The following ECPAS variants were observed in gnomAD, a reference collection of about 807,000 sequenced individuals.
ECPAS encodes the protein Ecm29 proteasome adaptor and scaffold.
In ECPAS, 70 loss-of-function variants were observed where a neutral mutation model predicts 255.1. The observed-to-expected ratio is 0.27, with a 90% CI of 0.23 to 0.33. The LOEUF is 0.33. Among genes scored for constraint, ECPAS ranks in the 10% least tolerant of loss-of-function variants. The pLI is 1.00. For synonymous variants in ECPAS, 784 were observed against 775.0 expected, an observed-to-expected ratio of 1.01 and a Z score of -0.19; for missense variants, 1,817 against 2,206.4, an observed-to-expected ratio of 0.82 and a Z score of 3.54.
intron 2 of ECPAS, among the ~76,000 whole-genome samples, chr9:111,455,647 G>A (rs1163329856): frequency 6.6e-6 from 1 of 152,194 alleles, no homozygotes; most frequent in Admixed American, 6.5e-5. Context: ...CTGAACATCA[G>A]CTTCCCTTCA....
At chr9:111,405,667 C>CA (rs1564522226) in intron 24 of ECPAS, among the ~76,000 whole-genome samples, 1 of 149,660 alleles carries the variant, frequency 6.7e-6, no homozygotes, top group Non-Finnish European at 1.5e-5. Flanking sequence ...TTAAAATACA[C>CA]AATAAGTAAG....
At chr9:111,448,999 A>C (rs1296713195) in intron 3 of ECPAS, among the ~76,000 whole-genome samples, 2 of 152,164 alleles carry the variant, frequency 1.3e-5, no homozygotes, top group Non-Finnish European at 2.9e-5. Context: ...TTTGAAGTTC[A>C]AAAGCCCTGG....
In ECPAS at chr9:111,423,255, A is replaced by G. The variant is rs999265075; in HGVS notation, c.1216-7T>C. 7.8e-6 allele frequency: 12 copies of G among 1,545,608 alleles called. No homozygotes were observed. The highest frequency in any genetic ancestry group is 1.1e-5 in the Non-Finnish European group (12 of 1,141,306). ...TTGACAGTAGTTTAGGGTCCTTGAAATTAAAAAAAGAAAAGAAAGAAAAGA... is the reference window on the plus strand; with the variant it reads ...TTGACAGTAGTTTAGGGTCCTTGAAGTTAAAAAAAGAAAAGAAAGAAAAGA... On this transcript the variant is annotated splice_polypyrimidine_tract_variant and splice_region_variant and intron_variant, in intron 12 of 49. Coordinates refer to ENST00000684092, the MANE Select transcript of ECPAS (RefSeq NM_001364929.1).
intron 1 of ECPAS, among the ~76,000 whole-genome samples, chr9:111,482,839 C>T (rs2098308328): frequency 7.0e-6 from 1 of 142,538 alleles, no homozygotes; most frequent in Non-Finnish European, 1.5e-5. Context: ...GCGGGGCGGC[C>T]TGGGATTCAG....
At chr9:111,415,228 CGT>C (rs541242640) in intron 18 of ECPAS, among the ~76,000 whole-genome samples, 71 of 126,778 alleles carry the variant, frequency 5.6e-4, no homozygotes, top group African/African-American at 9.4e-4. Flanking sequence ...TTTTAAAAGC[CGT>C]GTGTGTGTGT....
chr9:111,423,998 C>T (rs1658055921), intron 12 of ECPAS, among the ~76,000 whole-genome samples: 1 of 152,212 alleles, frequency 6.6e-6, no homozygotes, highest in African/African-American at 2.4e-5. Context: ...GACTCACACC[C>T]TGTGGTTTGT....
rs2131755407 is a variant in ECPAS, at chr9:111,416,337, T to C, written c.1699A>G (p.Lys567Glu). 1 of 1,613,654 alleles carries C rather than the reference T, an allele frequency of 6.2e-7. No individual in the cohort carries two copies. Among genetic ancestry groups the C allele is most frequent in the Non-Finnish European group, 8.5e-7 (1 of 1,179,612 alleles). The change falls in exon 18 of 50, where the codon AAA becomes GAA. Residue 567 changes from lysine (K) to glutamate (E), a missense_variant. Physicochemically the swap from Lys to Glu is moderately conservative, Grantham distance 56. Around this residue, in one of 4 missense-constraint regions of ECPAS, gnomAD observed 573 missense variants for 716.2 expected, o/e 0.80. Coordinates refer to ENST00000684092, the MANE Select transcript of ECPAS (RefSeq NM_001364929.1). The part of the protein sequence containing the change: ...YIQEKASHRM[K>E]TPVKYMTGTT... Reference sequence around the variant, plus strand: ...CCGGTCATGTACTTGACTGGAGTTTTCATTCGATGAGAAGCCTAAGTTTAA... The same window carrying C: ...CCGGTCATGTACTTGACTGGAGTTTCCATTCGATGAGAAGCCTAAGTTTAA...
At chr9:111,472,465 C>T (rs1007819395) in intron 2 of ECPAS, among the ~76,000 whole-genome samples, 1 of 151,866 alleles carries the variant, frequency 6.6e-6, no homozygotes, top group Non-Finnish European at 1.5e-5. Context: ...TGGCAAAACC[C>T]CATCTCTACT....
At chr9:111,475,897 A>G (rs1464988333) in intron 1 of ECPAS, among the ~76,000 whole-genome samples, 1 of 152,224 alleles carries the variant, frequency 6.6e-6, no homozygotes, top group Non-Finnish European at 1.5e-5. Context: ...TTCTACAAAG[A>G]TCAGCTTGGA....
chr9:111,429,656 T>C (rs1315582184), intron 9 of ECPAS, among the ~76,000 whole-genome samples: 6 of 152,256 alleles, frequency 3.9e-5, no homozygotes, highest in Admixed American at 3.3e-4. Flanking sequence ...CCACACTCAA[T>C]CTAATCTAAC....
intron 7 of ECPAS, 63 bp from the exon 8 acceptor site, chr9:111,433,435 T>A (rs1351095104): frequency 1.6e-5 from 25 of 1,567,418 alleles, no homozygotes; most frequent in Non-Finnish European, 2.2e-5. Context: ...CCACTGAAAG[T>A]ACTGCTTAAC....
intron 39 of ECPAS, 97 bp downstream of exon 39, chr9:111,373,875 A>G (rs2098130335): frequency 1.1e-6 from 1 of 872,566 alleles, no homozygotes; most frequent in Non-Finnish European, 1.9e-6. Context: ...CAGCATCACA[A>G]GCAGGTCTGA....
At chr9:111,472,300 G>A (rs1307680192) in intron 2 of ECPAS, among the ~76,000 whole-genome samples, 1 of 151,814 alleles carries the variant, frequency 6.6e-6, no homozygotes, top group Non-Finnish European at 1.5e-5. Context: ...GGCATTCCTC[G>A]AGCATGTAAA....
At chr9:111,453,611 C>T (rs1486231373) in intron 2 of ECPAS, among the ~76,000 whole-genome samples, 1 of 152,202 alleles carries the variant, frequency 6.6e-6, no homozygotes, top group Non-Finnish European at 1.5e-5. Flanking sequence ...GTAGAGAAAA[C>T]TGTCAAATAC....
At chr9:111,473,038 T>G (rs978437745) in intron 1 of ECPAS, 38 bp from the exon 2 acceptor site, 14 of 526,392 alleles carry the variant, frequency 2.7e-5, no homozygotes, top group Non-Finnish European at 3.6e-5. Context: ...AATTAACAGA[T>G]GTATATGCAT....
intron 24 of ECPAS, among the ~76,000 whole-genome samples, chr9:111,398,849 A>C (rs1202333757): frequency 6.6e-6 from 1 of 152,112 alleles, no homozygotes; most frequent in African/African-American, 2.4e-5. Context: ...AGGCAGGAGA[A>C]TCGCTTGAAC....
At chr9:111,407,428 A>AAAAAAAAAAACAAAAAAAAAAAG (rs2098186510) in intron 24 of ECPAS, among the ~76,000 whole-genome samples, 1 of 98,726 alleles carries the variant, frequency 1.0e-5, no homozygotes, top group Non-Finnish European at 2.6e-5. Flanking sequence ...AAAAAAAAAA[A>AAAAAAAAAAACAAAAAAAAAAAG]AAAAAAAAAA....
chr9:111,457,489 A>G (rs2098268345), intron 2 of ECPAS, among the ~76,000 whole-genome samples: 1 of 152,216 alleles, frequency 6.6e-6, no homozygotes, highest in Admixed American at 6.5e-5. Context: ...CATCTCTGCC[A>G]TTGTAACAGG....
At chr9:111,400,366 T>C (rs2098173947) in intron 24 of ECPAS, among the ~76,000 whole-genome samples, 1 of 152,180 alleles carries the variant, frequency 6.6e-6, no homozygotes, top group Admixed American at 6.5e-5. Flanking sequence ...CACTGACGAA[T>C]GTTCACAAGC....
Sources: allele counts gnomAD v4.1 joint callset (sites outside exome capture counted in the v4.1 genomes callset), GRCh38; gene constraint gnomAD v4.1.1; regional missense constraint gnomAD v4.1.1; transcripts MANE v1.5; gene names NCBI Gene and HGNC (gene_info 2026-07-23, HGNC 2026-07-21).